DLG2: variants seen among roughly 807,000 people sequenced by gnomAD.
DLG2 encodes discs large MAGUK scaffold protein 2.
DLG2 carries 45 observed loss-of-function variants against 132.5 expected under a neutral mutation model. That is an observed-to-expected ratio of 0.34 (90% CI 0.27 to 0.44). The LOEUF is 0.44. DLG2 is among the 20% of genes least tolerant of loss of function. DLG2 has a pLI of 1.00. For missense variants in DLG2, 1,045 were observed against 1,196.9 expected, an observed-to-expected ratio of 0.87 and a Z score of 1.87; for synonymous variants, 424 against 419.6, an observed-to-expected ratio of 1.01 and a Z score of -0.13.
chr11:84,164,279 T>A lies in DLG2; in HGVS notation c.574-768A>T, dbSNP rs529078808. Among the ~76,000 whole-genome samples, 4 of 152,174 alleles carry A rather than the reference T, an allele frequency of 2.6e-5. No individual in the cohort carries two copies. The South Asian group carries it at 6.2e-4, about 24-fold the overall frequency. On this transcript the variant is annotated intron_variant, in intron 8 of 27. Coordinates refer to ENST00000376104, the MANE Select transcript of DLG2 (RefSeq NM_001142699.3). ...AGTTGGTTTAAAATAATCTAACAAA[T>A]ATTCCTTTCTCATTTTCATCTATCT...
chr11:84,850,788 A>G (rs533201009), intron 6 of DLG2, among the ~76,000 whole-genome samples: 1 of 152,128 alleles, frequency 6.6e-6, no homozygotes, highest in Non-Finnish European at 1.5e-5. Context: ...AAACAATTTT[A>G]TTTTTAATTA....
intron 6 of DLG2, among the ~76,000 whole-genome samples, chr11:84,904,560 G>A (rs1256112212): frequency 6.6e-6 from 1 of 152,086 alleles, no homozygotes; most frequent in Non-Finnish European, 1.5e-5. Flanking sequence ...GCTAGAAATG[G>A]CTTTTCTGCT....
intron 6 of DLG2, among the ~76,000 whole-genome samples, chr11:84,906,267 A>G (rs753233388): frequency 1.3e-5 from 2 of 149,096 alleles, no homozygotes; most frequent in African/African-American, 4.9e-5. Context: ...TCCCTAAAAA[A>G]TTAACTTTTA....
chr11:84,641,099 G>GTCTCTTTTC (rs2099662260), intron 6 of DLG2, among the ~76,000 whole-genome samples: 1 of 152,094 alleles, frequency 6.6e-6, no homozygotes, highest in South Asian at 2.1e-4. Context: ...ACAGTCCATG[G>GTCTCTTTTC]TCTCTTTTCC....
At chr11:84,710,001 T>C (rs1311823733) in intron 6 of DLG2, among the ~76,000 whole-genome samples, 2 of 151,984 alleles carry the variant, frequency 1.3e-5, no homozygotes, top group African/African-American at 2.4e-5. Context: ...CTTACTGAAG[T>C]ATGAGACTAC....
chr11:85,154,914 A>G (rs1248470228), intron 4 of DLG2, among the ~76,000 whole-genome samples: 1 of 152,200 alleles, frequency 6.6e-6, no homozygotes, highest in Non-Finnish European at 1.5e-5. Flanking sequence ...TGGGCTATTC[A>G]AAAGTAAATG....
chr11:85,337,428 T>G (rs1452241273), intron 3 of DLG2, among the ~76,000 whole-genome samples: 1 of 152,172 alleles, frequency 6.6e-6, no homozygotes, highest in African/African-American at 2.4e-5. Flanking sequence ...TAGGTAATGA[T>G]TCCTAAACTT....
chr11:84,318,007 C>T (rs890881166), intron 7 of DLG2, among the ~76,000 whole-genome samples: 1 of 152,112 alleles, frequency 6.6e-6, no homozygotes, highest in Non-Finnish European at 1.5e-5. Flanking sequence ...CAGTATTTTT[C>T]CTTACCCCAA....
At chr11:84,650,187 CAA>C (rs1391504182) in intron 6 of DLG2, among the ~76,000 whole-genome samples, 1 of 152,278 alleles carries the variant, frequency 6.6e-6, no homozygotes, top group Admixed American at 6.5e-5. Flanking sequence ...GAAGCTGCTC[CAA>C]AAGTCTGCCT....
intron 4 of DLG2, among the ~76,000 whole-genome samples, chr11:85,221,069 G>A (rs2074608272): frequency 6.7e-6 from 1 of 149,566 alleles, no homozygotes; most frequent in African/African-American, 2.5e-5. Context: ...TTGAGACAGA[G>A]TCTCACTCTG....
intron 7 of DLG2, among the ~76,000 whole-genome samples, chr11:84,350,389 T>C (rs973316581): frequency 1.3e-5 from 2 of 152,132 alleles, no homozygotes; most frequent in Non-Finnish European, 2.9e-5. Flanking sequence ...TATCACAAAA[T>C]GTATTTAAAA....
At chr11:84,967,919 T>G (rs1457465184) in intron 6 of DLG2, among the ~76,000 whole-genome samples, 2 of 152,148 alleles carry the variant, frequency 1.3e-5, no homozygotes, top group Non-Finnish European at 2.9e-5. Context: ...AAGGTCCTGT[T>G]CTTCAGAATA....
chr11:85,195,337 A>G (rs997086401), intron 4 of DLG2, among the ~76,000 whole-genome samples: 3 of 152,078 alleles, frequency 2.0e-5, no homozygotes, highest in African/African-American at 7.2e-5. Flanking sequence ...GGATGCAATA[A>G]ATCATGGACA....
chr11:84,109,362 A>G (rs2093198332), intron 9 of DLG2, among the ~76,000 whole-genome samples: 1 of 152,202 alleles, frequency 6.6e-6, no homozygotes. Context: ...AAACTAGGTT[A>G]TCTGAGTAAG....
intron 11 of DLG2, among the ~76,000 whole-genome samples, chr11:84,019,883 C>G (rs918715136): frequency 3.3e-5 from 5 of 152,138 alleles, no homozygotes; most frequent in Non-Finnish European, 5.9e-5. Flanking sequence ...GACTTGTACC[C>G]TCCAGAAGTA....
chr11:84,836,113 A>G (rs1471664819), intron 6 of DLG2, among the ~76,000 whole-genome samples: 1 of 151,768 alleles, frequency 6.6e-6, no homozygotes, highest in Non-Finnish European at 1.5e-5. Flanking sequence ...CAGCTCTCTC[A>G]TTATCTCTGT....
chr11:85,139,383 T>G (rs1039399587), intron 5 of DLG2, among the ~76,000 whole-genome samples: 1 of 152,098 alleles, frequency 6.6e-6, no homozygotes, highest in Non-Finnish European at 1.5e-5. Flanking sequence ...ACATGAAATT[T>G]GCAATGCAAG....
chr11:83,901,378 A>G (rs183200965), intron 15 of DLG2, among the ~76,000 whole-genome samples: 2 of 152,112 alleles, frequency 1.3e-5, no homozygotes, highest in East Asian at 3.9e-4. Flanking sequence ...CCCCAGACAA[A>G]TCTCATTTTG....
At chr11:85,140,802 G>A (rs1014582317) in intron 5 of DLG2, among the ~76,000 whole-genome samples, 2 of 151,764 alleles carry the variant, frequency 1.3e-5, no homozygotes, top group African/African-American at 2.4e-5. Flanking sequence ...CTGTTTTAAT[G>A]TTTAGCCACA....
Sources: gnomAD v4.1 joint callset for allele counts (sites outside exome capture counted in the v4.1 genomes callset) on GRCh38, gnomAD v4.1.1 for gene constraint, MANE v1.5 for transcripts, NCBI Gene and HGNC (gene_info 2026-07-23, HGNC 2026-07-21) for gene names.